DSCC1: variants seen among roughly 807,000 people sequenced by gnomAD.
DSCC1 encodes the protein sister chromatid cohesion protein DCC1.
A neutral mutation model predicts 48.2 loss-of-function variants in DSCC1; 32 were observed. The ratio of observed to expected loss-of-function variants is 0.66; its 90% CI spans 0.50 to 0.89. The LOEUF is 0.89. Among genes scored for constraint, DSCC1 ranks in the 40% least tolerant of loss-of-function variants. The pLI, the probability that DSCC1 is intolerant of heterozygous loss-of-function variation, is 0.00. For missense variants in DSCC1, 421 were observed against 471.7 expected, an observed-to-expected ratio of 0.89 and a Z score of 1.00; for synonymous variants, 150 against 171.5, an observed-to-expected ratio of 0.87 and a Z score of 0.98.
At chr8:119,852,240 T>C (rs1826951678) in intron 2 of DSCC1, among the ~76,000 whole-genome samples, 1 of 152,250 alleles carries the variant, frequency 6.6e-6, no homozygotes, top group Non-Finnish European at 1.5e-5. Flanking sequence ...GTTGTTTGGT[T>C]ACTGCCATCA....
intron 8 of DSCC1, among the ~76,000 whole-genome samples, chr8:119,835,518 C>CAA (rs552177899): frequency 1.1e-3 from 151 of 143,510 alleles, no homozygotes; most frequent in African/African-American, 3.6e-3. Context: ...AAAAAACAAA[C>CAA]AAAAAAAAAA....
intron 6 of DSCC1, 67 bp downstream of exon 6, chr8:119,842,709 C>A (rs2131299023): frequency 1.4e-6 from 2 of 1,447,020 alleles, no homozygotes; most frequent in East Asian, 2.3e-5. Context: ...TTAACACCGA[C>A]AGGCTTTAGA....
chr8:119,838,050 A>G (rs974902243), intron 8 of DSCC1, among the ~76,000 whole-genome samples: 2 of 152,172 alleles, frequency 1.3e-5, no homozygotes, highest in Non-Finnish European at 2.9e-5. Flanking sequence ...TTTAGAAGCA[A>G]TAGTGAGGAA....
intron 2 of DSCC1, among the ~76,000 whole-genome samples, chr8:119,852,133 T>G (rs904823326): frequency 1.3e-5 from 2 of 152,178 alleles, no homozygotes; most frequent in Non-Finnish European, 2.9e-5. Context: ...AAGGATATAG[T>G]TGGCCTAAAG....
rs376784158 is a variant in DSCC1 at position 119,834,942 on chromosome 8, G to A, written c.1133C>T (p.Ser378Leu). ...GALLTKYSHS[S>L]MQNGVKVYNS... ...ATAAACTTTAACACCATTTTGCATCGAAGAATGAGAATATTTAGTGAGTAA... is the reference window on the plus strand; with the variant it reads ...ATAAACTTTAACACCATTTTGCATCAAAGAATGAGAATATTTAGTGAGTAA... The change falls in exon 9 of 9, where the codon TCG (serine) becomes TTG (leucine). Residue 378 changes from serine (S) to leucine (L), a missense_variant. Ser to Leu is a moderately radical substitution (Grantham distance 145). Coordinates refer to ENST00000313655, the MANE Select transcript of DSCC1 (RefSeq NM_024094.3). 46 of 1,611,134 alleles carry A rather than the reference G, an allele frequency of 2.9e-5. No homozygotes were observed. The highest frequency in any genetic ancestry group is 5.0e-5 in the Admixed American group (3 of 59,698).
At chr8:119,848,107 G>A (rs1960439) in intron 3 of DSCC1, among the ~76,000 whole-genome samples, 62,699 of 151,742 alleles carry the variant, frequency 0.41, 13,140 homozygotes, top group South Asian at 0.57. Flanking sequence ...TGGGACTACA[G>A]GTGTGCAGCC....
At chr8:119,850,352 T>A (rs1826926931) in intron 3 of DSCC1, 30 bp downstream of exon 3, 1 of 1,547,604 alleles carries the variant, frequency 6.5e-7, no homozygotes, top group African/African-American at 1.4e-5. Context: ...GTTGTTAAAT[T>A]CCAAATAAAA....
At chr8:119,847,806 C>T (rs1430613994) in intron 3 of DSCC1, among the ~76,000 whole-genome samples, 1 of 151,902 alleles carries the variant, frequency 6.6e-6, no homozygotes, top group African/African-American at 2.4e-5. Flanking sequence ...GCTGGGATTA[C>T]AGGCATGCGC....
intron 7 of DSCC1, chr8:119,839,182 C>T (rs903380310): frequency 3.3e-5 from 5 of 152,284 alleles, no homozygotes; most frequent in African/African-American, 1.2e-4. Flanking sequence ...TTCACTGTCA[C>T]TCTACTGAGT....
At chr8:119,853,741 G>A (rs563047429) in intron 1 of DSCC1, among the ~76,000 whole-genome samples, 324 of 152,280 alleles carry the variant, frequency 2.1e-3, no homozygotes, top group African/African-American at 7.2e-3. Flanking sequence ...CCCAAGTGTC[G>A]TCCTTGTTTT....
intron 1 of DSCC1, among the ~76,000 whole-genome samples, chr8:119,854,509 T>C (rs929399511): frequency 2.6e-5 from 4 of 152,222 alleles, no homozygotes; most frequent in African/African-American, 4.8e-5. Flanking sequence ...TAATAATGCT[T>C]AATAGGCCCA....
Position 119,841,814 on chromosome 8 carries a change from T to C in DSCC1, c.904A>G (p.Thr302Ala). 6.2e-7 allele frequency: 1 copy of C among 1,613,974 alleles called. No individual in the cohort carries two copies. Reference sequence around the variant, plus strand: ...ATTACCTTAAGCTGATCAAGACTAGTTACCATTCCTTCAGGAACACTCTGC... The same window carrying C: ...ATTACCTTAAGCTGATCAAGACTAGCTACCATTCCTTCAGGAACACTCTGC... ...WQQSVPEGMV[T>A]SLDQLKGLAL... Residue 302 changes from threonine (T) to alanine (A), a missense_variant, in exon 7 of 9, where the codon ACT (threonine) becomes GCT (alanine). Thr to Ala is a moderately conservative substitution (Grantham distance 58, BLOSUM62 0). Transcript: ENST00000313655.
chr8:119,839,248 C>T (rs899877789), intron 7 of DSCC1: 1 of 152,192 alleles, frequency 6.6e-6, no homozygotes, highest in African/African-American at 2.4e-5. Context: ...GACTATAATA[C>T]TTATATCTTC....
intron 4 of DSCC1, 45 bp from the exon 5 acceptor site, chr8:119,843,792 T>C: frequency 6.3e-7 from 1 of 1,579,910 alleles, no homozygotes; most frequent in Non-Finnish European, 8.6e-7. Flanking sequence ...TTTTTTTTTT[T>C]TAAGGCAGGG....
intron 2 of DSCC1, among the ~76,000 whole-genome samples, chr8:119,851,007 G>T (rs1036378827): frequency 3.3e-5 from 5 of 152,164 alleles, no homozygotes; most frequent in Admixed American, 1.3e-4. Context: ...TTTAATACAA[G>T]ATCTTTCTAA....
chr8:119,847,544 AG>A (rs1826875023), intron 3 of DSCC1, among the ~76,000 whole-genome samples: 1 of 152,204 alleles, frequency 6.6e-6, no homozygotes, highest in Non-Finnish European at 1.5e-5. Context: ...ACAGAGTTTC[AG>A]TTTGAGAAGA....
intron 4 of DSCC1, among the ~76,000 whole-genome samples, chr8:119,844,515 G>A (rs537797844): frequency 8.6e-4 from 127 of 147,302 alleles, no homozygotes; most frequent in African/African-American, 3.1e-3. Flanking sequence ...TTTAAACTGT[G>A]TCTTCAGGGA....
intron 2 of DSCC1, 86 bp from the exon 3 acceptor site, chr8:119,850,602 C>CA: frequency 8.2e-7 from 1 of 1,226,024 alleles, no homozygotes; most frequent in Admixed American, 3.0e-5. Context: ...TCTGCCCCCT[C>CA]AACAAGTACA....
Position 119,853,127 on chromosome 8 carries a change from T to C in DSCC1, c.271A>G (p.Met91Val), listed in dbSNP as rs755141532. ...YDLKIADTSNMLLFIPGCKTP... is the reference protein window; with the variant it reads ...YDLKIADTSNVLLFIPGCKTP... ...TTACAACCAGGAATGAAAAGCAACA[T>C]ATTGGAAGTGTCTGCTATCTTCAAG... Residue 91 changes from methionine to valine, a missense_variant, in exon 2 of 9, where the codon ATG (methionine) becomes GTG (valine). Around this residue, in one of 3 missense-constraint regions of DSCC1, gnomAD observed 174 missense variants for 184.5 expected, o/e 0.94. Coordinates refer to ENST00000313655, the MANE Select transcript of DSCC1 (RefSeq NM_024094.3). 5 of 1,613,966 alleles carry C rather than the reference T, an allele frequency of 3.1e-6. No individual in the cohort carries two copies. Among genetic ancestry groups the C allele is most frequent in the East Asian group, 2.2e-5 (1 of 44,890 alleles).
Sources: allele counts gnomAD v4.1 joint callset (sites outside exome capture counted in the v4.1 genomes callset), GRCh38; gene constraint gnomAD v4.1.1; regional missense constraint gnomAD v4.1.1; transcripts MANE v1.5; gene names NCBI Gene and HGNC (gene_info 2026-07-23, HGNC 2026-07-21).